ZHX3: variants seen among roughly 807,000 people sequenced by gnomAD.
ZHX3 encodes the protein zinc fingers and homeoboxes 3, also known as zinc fingers and homeoboxes protein 3.
Under a neutral mutation model 64.5 loss-of-function variants are expected in ZHX3, and 20 were observed. The ratio of observed to expected loss-of-function variants is 0.31; its 90% confidence interval spans 0.22 to 0.45. The LOEUF is 0.45. Among genes scored for constraint, ZHX3 ranks in the 20% least tolerant of loss-of-function variants. The probability of loss-of-function intolerance (pLI) is 1.00; values close to 1 mark genes in which losing one functional copy is unlikely to be tolerated. For synonymous variants in ZHX3, 423 were observed against 461.6 expected (o/e 0.92, Z 1.07); for missense variants, 1,041 against 1,195.8 (o/e 0.87, Z 1.91).
chr20:41,193,077 T>C (rs557223285), intron 3 of ZHX3, among the ~76,000 whole-genome samples: 2 of 152,368 alleles, frequency 1.3e-5, no homozygotes, highest in East Asian at 3.9e-4. Flanking sequence ...TGTTCTGTCT[T>C]GGATAATCTA....
chr20:41,235,979 A>T (rs1387133798), intron 2 of ZHX3, among the ~76,000 whole-genome samples: 1 of 152,218 alleles, frequency 6.6e-6, no homozygotes, highest in African/African-American at 2.4e-5. Flanking sequence ...CACCAATAAC[A>T]GACAAACAGA....
intron 3 of ZHX3, among the ~76,000 whole-genome samples, chr20:41,193,622 C>G (rs2037229398): frequency 6.6e-6 from 1 of 151,870 alleles, no homozygotes; most frequent in African/African-American, 2.4e-5. Flanking sequence ...GTTTTTATAT[C>G]CTGCAGCTTT....
intron 1 of ZHX3, among the ~76,000 whole-genome samples, chr20:41,298,346 C>A (rs1177961503): frequency 1.3e-5 from 2 of 152,150 alleles, no homozygotes; most frequent in African/African-American, 4.8e-5. Context: ...GTTAATGATA[C>A]ATGTAGCAGT....
intron 3 of ZHX3, among the ~76,000 whole-genome samples, chr20:41,189,464 A>G (rs2036815924): frequency 6.6e-6 from 1 of 152,176 alleles, no homozygotes; most frequent in Non-Finnish European, 1.5e-5. Flanking sequence ...TTTCCAATCC[A>G]TAAGCTTGGG....
At chr20:41,297,184 T>A (rs2146785857) in intron 1 of ZHX3, among the ~76,000 whole-genome samples, 1 of 152,340 alleles carries the variant, frequency 6.6e-6, no homozygotes, top group African/African-American at 2.4e-5. Flanking sequence ...GGTTTCAGAT[T>A]GAGATGCACA....
At chr20:41,194,951 T>C (rs2037363037) in intron 3 of ZHX3, among the ~76,000 whole-genome samples, 2 of 152,200 alleles carry the variant, frequency 1.3e-5, no homozygotes, top group Admixed American at 1.3e-4. Context: ...TTCTCTTTCA[T>C]TCTTATTTAA....
intron 2 of ZHX3, among the ~76,000 whole-genome samples, chr20:41,205,458 C>T (rs1266942419): frequency 2.0e-5 from 3 of 151,730 alleles, no homozygotes; most frequent in African/African-American, 4.8e-5. Context: ...TGGACCAACA[C>T]GCGGTTTTCT....
At chr20:41,249,558 A>AAT (rs1293880697) in intron 2 of ZHX3, among the ~76,000 whole-genome samples, 1 of 152,192 alleles carries the variant, frequency 6.6e-6, no homozygotes, top group African/African-American at 2.4e-5. Context: ...CAGGCCCATC[A>AAT]GTCTGTGGAG....
At chr20:41,208,407 A>G (rs539169393) in intron 2 of ZHX3, among the ~76,000 whole-genome samples, 1 of 152,344 alleles carries the variant, frequency 6.6e-6, no homozygotes, top group African/African-American at 2.4e-5. Context: ...ATTTTAGACC[A>G]ATATCCCTGA....
In ZHX3 at chr20:41,212,107, T is replaced by G. The variant is rs890454163; in HGVS notation, c.-150-7041A>C. ...GGTCACCATCAAGAAAGTGAAAAGA[T>G]AGACAATCCACAGAAAGAAAAGGTT... On this transcript the variant is annotated intron_variant, in intron 2 of 3. Transcript: ENST00000683867. This position sits in a 1 kb window ranked among gnomAD's most constrained non-coding sequence, Gnocchi z 4.3. Among the ~76,000 whole-genome samples the G allele has an allele frequency of 6.6e-6, 1 of 152,174 alleles. No homozygotes were observed. Among genetic ancestry groups the G allele is most frequent in the Non-Finnish European group, 1.5e-5 (1 of 68,024 alleles).
intron 3 of ZHX3, among the ~76,000 whole-genome samples, chr20:41,197,315 TAAAA>T (rs2037810179): frequency 2.1e-5 from 3 of 146,226 alleles, no homozygotes; most frequent in African/African-American, 4.9e-5. Context: ...TGTATATATT[TAAAA>T]TACATATATA....
At position 41,204,752 on chromosome 20, in the gene ZHX3, G is replaced by T; in HGVS notation, c.165C>A (p.Asn55Lys). 1.9e-6 allele frequency: 3 copies of T among 1,614,142 alleles called. No individual in the cohort carries two copies. The highest frequency in any genetic ancestry group is 2.5e-6 in the Non-Finnish European group (3 of 1,179,986). ...GTGTAGAGCCATCAGTACTGCTGGG[G>T]TTCTGTGCTGCCTCACTGCTGGCAG... is the stretch of plus-strand genomic sequence containing the variant. The part of the protein sequence containing the change: ...ASAASSEAAQ[N>K]PSSTDGSTLA... Residue 55 changes from asparagine to lysine, a missense_variant, in exon 3 of 4, where the codon AAC (asparagine) becomes AAA (lysine). Physicochemically the swap from Asn to Lys is moderately conservative, Grantham distance 94. Coordinates refer to ENST00000683867, the MANE Select transcript of ZHX3 (RefSeq NM_001384317.1). This position sits in a 1 kb window ranked among gnomAD's most constrained non-coding sequence, Gnocchi z 6.6.
chr20:41,259,618 T>C (rs758082169), intron 2 of ZHX3, among the ~76,000 whole-genome samples: 2 of 151,994 alleles, frequency 1.3e-5, no homozygotes, highest in Non-Finnish European at 2.9e-5. Context: ...TTTGCATGAC[T>C]CCATTTTTGG....
intron 2 of ZHX3, among the ~76,000 whole-genome samples, chr20:41,254,275 A>T (rs1345256332): frequency 1.3e-5 from 2 of 152,192 alleles, no homozygotes; most frequent in African/African-American, 4.8e-5. Flanking sequence ...CGTACTAGGC[A>T]CACACTCTAG....
intron 1 of ZHX3, among the ~76,000 whole-genome samples, chr20:41,294,981 A>G (rs6124337): frequency 0.26 from 39,263 of 152,126 alleles, 5,865 homozygotes; most frequent in East Asian, 0.74. Context: ...ATACATAGGC[A>G]TGAGCCCCTG....
intron 2 of ZHX3, among the ~76,000 whole-genome samples, chr20:41,233,907 C>A (rs542986201): frequency 6.6e-6 from 1 of 152,188 alleles, no homozygotes; most frequent in African/African-American, 2.4e-5. Context: ...GTCCTCCAGT[C>A]CCAAAGGTCT....
At chr20:41,225,157 A>C (rs1201021240) in intron 2 of ZHX3, among the ~76,000 whole-genome samples, 1 of 152,238 alleles carries the variant, frequency 6.6e-6, no homozygotes, top group African/African-American at 2.4e-5. Context: ...CAAATGACTT[A>C]AGTCCTCACA....
intron 1 of ZHX3, among the ~76,000 whole-genome samples, chr20:41,280,676 C>T (rs1183452877): frequency 4.6e-5 from 7 of 152,028 alleles, no homozygotes; most frequent in Admixed American, 1.3e-4. Flanking sequence ...CTCGGCCTCC[C>T]AAAGCGCTGG....
chr20:41,253,109 C>T (rs1479236922), intron 2 of ZHX3, among the ~76,000 whole-genome samples: 1 of 152,144 alleles, frequency 6.6e-6, no homozygotes, highest in Non-Finnish European at 1.5e-5. Context: ...CCACCCTTGC[C>T]ATCTCTCATG....
Sources: allele counts gnomAD v4.1 joint callset (sites outside exome capture counted in the v4.1 genomes callset), GRCh38; gene constraint gnomAD v4.1.1; non-coding constraint Gnocchi (gnomAD v3.1); transcripts MANE v1.5; gene names NCBI Gene and HGNC (gene_info 2026-07-23, HGNC 2026-07-21).